The following ZNF131 variants were observed in gnomAD, a reference collection of about 807,000 sequenced individuals.
ZNF131 encodes the protein zinc finger protein 131.
In ZNF131, 7 loss-of-function variants were observed where a neutral mutation model predicts 60.0. That is an observed-to-expected ratio of 0.12 (90% CI 0.07 to 0.22). The LOEUF (loss-of-function observed/expected upper bound fraction) is 0.22, where lower values mean the gene tolerates loss of function less well. Among genes scored for constraint, ZNF131 ranks in the 10% least tolerant of loss-of-function variants. The pLI is 1.00. For synonymous variants in ZNF131, 257 were observed against 253.2 expected (o/e 1.01, Z -0.14); for missense variants, 493 against 740.9 (o/e 0.67, Z 3.88).
intron 4 of ZNF131, among the ~76,000 whole-genome samples, chr5:43,149,292 C>A (rs948078523): frequency 1.3e-5 from 2 of 151,544 alleles, no homozygotes; most frequent in Non-Finnish European, 2.9e-5. Flanking sequence ...CGGTGGCTCA[C>A]GCCTATAATC....
At position 43,161,255 on chromosome 5, in the gene ZNF131, A is replaced by G. The variant is rs940325572; in HGVS notation, c.378A>G (p.Lys126=). The change falls in exon 5 of 7, where the codon AAA becomes AAG. Residue 126 remains lysine, a synonymous_variant. Coordinates refer to ENST00000682664, the MANE Select transcript of ZNF131 (RefSeq NM_001330707.2). ...CCTACATTATGTATTTCAGGAACAA[A>G]GAAAACTCAGCTCCCTTAGAGGAAA... ...EAIKALEVRN[K]ENSAPLEENT... 8 of 1,592,652 alleles carry G rather than the reference A, an allele frequency of 5.0e-6. No individual in the cohort carries two copies. Among genetic ancestry groups the G allele is most frequent in the Non-Finnish European group, 6.8e-6 (8 of 1,172,542 alleles).
chr5:43,168,940 G>A (rs772349834), intron 5 of ZNF131, among the ~76,000 whole-genome samples: 3 of 152,150 alleles, frequency 2.0e-5, no homozygotes, highest in Non-Finnish European at 4.4e-5. Context: ...AAAAAAATAC[G>A]TAGATGAGTA....
chr5:43,124,355 G>C (rs1292684280), intron 3 of ZNF131: 1 of 151,990 alleles, frequency 6.6e-6, no homozygotes, highest in East Asian at 1.9e-4. Flanking sequence ...CTTGGGTTTT[G>C]GTTTTATATC....
At chr5:43,148,916 A>T (rs746123079) in intron 4 of ZNF131, among the ~76,000 whole-genome samples, 3 of 152,100 alleles carry the variant, frequency 2.0e-5, no homozygotes, top group Non-Finnish European at 4.4e-5. Flanking sequence ...TCCTATCTTC[A>T]TCCCTACAAT....
chr5:43,165,952 T>C (rs577236940), intron 5 of ZNF131, among the ~76,000 whole-genome samples: 7 of 152,380 alleles, frequency 4.6e-5, no homozygotes, highest in Non-Finnish European at 1.0e-4. Context: ...CACCAGCATG[T>C]GCTGCTTCAC....
Position 43,122,082 on chromosome 5 carries a change from T to C in ZNF131, c.29T>C (p.Leu10Pro). Residue 10 changes from leucine to proline, a missense_variant, in exon 2 of 7, where the codon CTT becomes CCT. Transcript: ENST00000682664. MEAEETMEC[L>P]QEFPEHHKMI... ...GAGGCTGAAGAGACGATGGAATGCC[T>C]TCAGGAGTTCCCTGAACATCATAAA... is the stretch of plus-strand genomic sequence containing the variant. 4 of 1,614,118 alleles carry C rather than the reference T, an allele frequency of 2.5e-6. No individual in the cohort carries two copies. Among genetic ancestry groups the C allele is most frequent in the Non-Finnish European group, 3.4e-6 (4 of 1,180,000 alleles).
intron 3 of ZNF131, among the ~76,000 whole-genome samples, chr5:43,134,512 G>T (rs2112207267): frequency 6.6e-6 from 1 of 151,970 alleles, no homozygotes; most frequent in South Asian, 2.1e-4. Context: ...AGAGCAATTA[G>T]GCAAGAAAAA....
rs973461252 is a variant in ZNF131 at position 43,129,812 on chromosome 5, G to T, written c.226+6502G>T. Among the ~76,000 whole-genome samples the T allele has an allele frequency of 2.0e-5, 3 of 151,968 alleles. No individual in the cohort carries two copies. The South Asian group carries it at 6.2e-4, about 32-fold the overall frequency. ...TGGGATTACAGGTGCGTGCCACCACGCCCGGCTACTTTTTGTATTTTTAGT... is the reference window on the plus strand; with the variant it reads ...TGGGATTACAGGTGCGTGCCACCACTCCCGGCTACTTTTTGTATTTTTAGT... On this transcript the variant is annotated intron_variant, in intron 3 of 6. Coordinates refer to ENST00000682664, the MANE Select transcript of ZNF131 (RefSeq NM_001330707.2).
In ZNF131 at chr5:43,176,053, G is replaced by A. The variant is rs1751536012; in HGVS notation, c.*920G>A. ...TAAAAATTAATGTATTTAAAATAAA[G>A]TACAGAGAAAGACATGTATATAATT... is the stretch of plus-strand genomic sequence containing the variant. On this transcript the variant is annotated 3_prime_UTR_variant, in exon 7 of 7. Transcript: ENST00000682664. The A allele has an allele frequency of 6.6e-6, 1 of 152,210 alleles. No individual in the cohort carries two copies. The allele number at this position is 152,210 out of a possible 1,614,324, so 9.4% of individuals were successfully genotyped here. A position where few individuals can be genotyped will look rare whatever the true frequency, so the allele number is the denominator to read the frequency against.
chr5:43,163,586 C>T (rs1373626634), intron 5 of ZNF131, among the ~76,000 whole-genome samples: 2 of 152,222 alleles, frequency 1.3e-5, no homozygotes, highest in Non-Finnish European at 2.9e-5. Context: ...CCCGAACAAC[C>T]TTTGCTGGGT....
At chr5:43,121,349 C>G (rs1321089407) in intron 1 of ZNF131, among the ~76,000 whole-genome samples, 2 of 152,208 alleles carry the variant, frequency 1.3e-5, no homozygotes. Flanking sequence ...CCAAGCCCAC[C>G]GCTGCCCGGT....
chr5:43,174,340 A>G, intron 6 of ZNF131, 107 bp from the exon 7 acceptor site: 1 of 1,030,670 alleles, frequency 9.7e-7, no homozygotes, highest in Non-Finnish European at 1.4e-6. Context: ...TATTTATAAC[A>G]TTTACAGAAT....
intron 3 of ZNF131, among the ~76,000 whole-genome samples, chr5:43,133,422 C>T (rs770547403): frequency 6.6e-5 from 10 of 152,184 alleles, no homozygotes; most frequent in Non-Finnish European, 1.2e-4. Context: ...GTCGAGATCA[C>T]GCCATTTCAC....
intron 5 of ZNF131, among the ~76,000 whole-genome samples, chr5:43,169,817 GTC>G (rs1251802554): frequency 6.6e-6 from 1 of 150,508 alleles, no homozygotes; most frequent in Non-Finnish European, 1.5e-5. Flanking sequence ...TTGAGACAGA[GTC>G]TGGCACTATC....
chr5:43,123,086 T>C, intron 2 of ZNF131, 123 bp from the exon 3 acceptor site: 1 of 656,392 alleles, frequency 1.5e-6, no homozygotes, highest in Non-Finnish European at 2.5e-6. Context: ...TTCAATAATT[T>C]CTGTAGTTAC....
chr5:43,128,891 C>A lies in ZNF131; in HGVS notation c.226+5581C>A, dbSNP rs78776369. On this transcript the variant is annotated intron_variant, in intron 3 of 6. Coordinates refer to ENST00000682664, the MANE Select transcript of ZNF131 (RefSeq NM_001330707.2). ...TCAGCCTTCTAACTACAAGCACATA[C>A]CACCAAGGCCAGCTAGTCTTTGTAT... Among the ~76,000 whole-genome samples the A allele has an allele frequency of 1.9e-3, 282 of 152,038 alleles. 2 individuals carry two copies. The highest frequency in any genetic ancestry group is 6.5e-3 in the African/African-American group (270 of 41,474).
intron 5 of ZNF131, chr5:43,167,879 C>T (rs1750551434): frequency 9.3e-6 from 4 of 430,518 alleles, no homozygotes; most frequent in South Asian, 6.8e-5. Flanking sequence ...TTGCTTATAA[C>T]AATACCTGAA....
At chr5:43,169,169 C>G (rs574157382) in intron 5 of ZNF131, among the ~76,000 whole-genome samples, 1 of 152,206 alleles carries the variant, frequency 6.6e-6, no homozygotes, top group Non-Finnish European at 1.5e-5. Context: ...ATGAACTTGA[C>G]CAGTCACTTT....
Position 43,175,769 on chromosome 5 carries a change from C to G in ZNF131, c.*636C>G. 3.7e-6 allele frequency: 1 copy of G among 268,712 alleles called. No individual in the cohort carries two copies. The highest frequency in any genetic ancestry group is 7.0e-6 in the Non-Finnish European group (1 of 143,796). The allele number at this position is 268,712 out of a possible 1,614,324, so 16.6% of individuals were successfully genotyped here. On this transcript the variant is annotated 3_prime_UTR_variant, in exon 7 of 7. Transcript: ENST00000682664. ...ATGTGCCTTCTCAAAACCAACTGAA[C>G]TTCTATAAAGCATCTCTGGTTCTTT...
Sources: gnomAD v4.1 joint callset for allele counts (sites outside exome capture counted in the v4.1 genomes callset) on GRCh38, gnomAD v4.1.1 for gene constraint, MANE v1.5 for transcripts, NCBI Gene and HGNC (gene_info 2026-07-23, HGNC 2026-07-21) for gene names.